BMPR1A: variants seen among roughly 807,000 people sequenced by gnomAD.
BMPR1A encodes bone morphogenetic protein receptor type 1A, also known as bone morphogenetic protein receptor type-1A.
A neutral mutation model predicts 66.0 loss-of-function variants in BMPR1A; 7 were observed. The ratio of observed to expected loss-of-function variants is 0.11; its 90% CI spans 0.06 to 0.20. BMPR1A has a LOEUF of 0.20. BMPR1A is among the 10% of genes least tolerant of loss of function. The probability of loss-of-function intolerance (pLI) is 1.00; values close to 1 mark genes in which losing one functional copy is unlikely to be tolerated. For synonymous variants in BMPR1A, 200 were observed against 229.7 expected (o/e 0.87, Z 1.17); for missense variants, 408 against 669.1 (o/e 0.61, Z 4.31).
chr10:86,774,859 A>G (rs948559868), intron 1 of BMPR1A, among the ~76,000 whole-genome samples: 9 of 152,240 alleles, frequency 5.9e-5, no homozygotes, highest in African/African-American at 2.2e-4. Flanking sequence ...AATATATTAA[A>G]TGAAATTAAG....
At chr10:86,857,249 A>T (rs1842655040) in intron 2 of BMPR1A, among the ~76,000 whole-genome samples, 1 of 152,092 alleles carries the variant, frequency 6.6e-6, no homozygotes, top group African/African-American at 2.4e-5. Flanking sequence ...TTGTTAGCAT[A>T]ATCTCCCCCA....
intron 2 of BMPR1A, among the ~76,000 whole-genome samples, chr10:86,863,896 C>G (rs547704384): frequency 6.6e-6 from 1 of 152,242 alleles, no homozygotes; most frequent in African/African-American, 2.4e-5. Flanking sequence ...TTAAAAATTG[C>G]TTTTGCATTG....
intron 2 of BMPR1A, among the ~76,000 whole-genome samples, chr10:86,844,074 G>T (rs376912663): frequency 2.0e-5 from 3 of 152,204 alleles, no homozygotes; most frequent in Non-Finnish European, 4.4e-5. Context: ...GCCAAGGTAA[G>T]TTGGATCCTA....
At chr10:86,889,622 G>C (rs1469378597) in intron 3 of BMPR1A, 1 of 174,554 alleles carries the variant, frequency 5.7e-6, no homozygotes, top group Non-Finnish European at 1.2e-5. Context: ...TTTTCCCAGG[G>C]CGAGGCTTAT....
intron 2 of BMPR1A, chr10:86,843,615 G>A (rs771949079): frequency 6.6e-6 from 1 of 152,222 alleles, no homozygotes; most frequent in Non-Finnish European, 1.5e-5. Flanking sequence ...CTGTAACTGA[G>A]AAGCACAGGT....
At chr10:86,892,854 C>T (rs1843172242) in intron 5 of BMPR1A, among the ~76,000 whole-genome samples, 1 of 147,198 alleles carries the variant, frequency 6.8e-6, no homozygotes, top group African/African-American at 2.5e-5. Flanking sequence ...CAGAGCAAGA[C>T]CCTGTCTCAA....
chr10:86,803,004 C>CAAA (rs59957238), intron 1 of BMPR1A, among the ~76,000 whole-genome samples: 17,413 of 75,498 alleles, frequency 0.23, 2,122 homozygotes, highest in East Asian at 0.62. Context: ...GACCCGGTCT[C>CAAA]AAAAAAAAAA....
chr10:86,848,362 G>C (rs1456802034), intron 2 of BMPR1A, among the ~76,000 whole-genome samples: 1 of 152,164 alleles, frequency 6.6e-6, no homozygotes, highest in Non-Finnish European at 1.5e-5. Context: ...CTGGCCTATA[G>C]AGCTCTAAGT....
At chr10:86,819,057 A>C (rs1842077082) in intron 1 of BMPR1A, among the ~76,000 whole-genome samples, 1 of 152,182 alleles carries the variant, frequency 6.6e-6, no homozygotes, top group Non-Finnish European at 1.5e-5. Context: ...CATGCAAGTG[A>C]AGCCAGCCAC....
At chr10:86,903,907 A>G (rs147074539) in intron 7 of BMPR1A, among the ~76,000 whole-genome samples, 303 of 143,308 alleles carry the variant, frequency 2.1e-3, no homozygotes, top group Middle Eastern at 0.017. Flanking sequence ...TGCCCGGCCT[A>G]TTATTTTTAT....
intron 2 of BMPR1A, chr10:86,843,392 T>C (rs1201624379): frequency 6.6e-6 from 1 of 152,236 alleles, no homozygotes; most frequent in Non-Finnish European, 1.5e-5. Flanking sequence ...AAAGCACTTA[T>C]TTTTATTCTA....
At position 86,776,291 on chromosome 10, in the gene BMPR1A, G is replaced by A. The variant is rs147161840; in HGVS notation, c.-268+19372G>A. Among the ~76,000 whole-genome samples the A allele has an allele frequency of 3.3e-5, 5 of 152,304 alleles. No homozygotes were observed. The East Asian group carries it at 9.6e-4, about 29-fold the overall frequency. Reference sequence around the variant, plus strand: ...GCATAAATAATGCTTTGAGTTGCCTGCAGCAAGTAGTTTGATGAGAATATC... The same window carrying A: ...GCATAAATAATGCTTTGAGTTGCCTACAGCAAGTAGTTTGATGAGAATATC... On this transcript the variant is annotated intron_variant, in intron 1 of 12. Transcript: ENST00000372037.
At chr10:86,865,846 C>G (rs944122769) in intron 2 of BMPR1A, among the ~76,000 whole-genome samples, 23 of 152,176 alleles carry the variant, frequency 1.5e-4, no homozygotes. Context: ...TTTAGATCCT[C>G]TTAGGAGGGG....
At chr10:86,801,660 A>G (rs1362353086) in intron 1 of BMPR1A, among the ~76,000 whole-genome samples, 2 of 152,048 alleles carry the variant, frequency 1.3e-5, no homozygotes, top group Non-Finnish European at 2.9e-5. Flanking sequence ...TGCTTCAGGG[A>G]TGGTCTGCTT....
intron 1 of BMPR1A, among the ~76,000 whole-genome samples, chr10:86,780,231 A>C (rs549377554): frequency 2.6e-5 from 4 of 152,252 alleles, no homozygotes; most frequent in South Asian, 4.1e-4. Flanking sequence ...GTAGTTTGCA[A>C]ATATTTTCTC....
intron 2 of BMPR1A, among the ~76,000 whole-genome samples, chr10:86,874,288 T>A (rs1021975710): frequency 1.3e-5 from 2 of 152,248 alleles, no homozygotes; most frequent in Non-Finnish European, 2.9e-5. Context: ...ATTGGAGAGA[T>A]TATGTTTCAT....
intron 1 of BMPR1A, among the ~76,000 whole-genome samples, chr10:86,774,993 A>G (rs1170501273): frequency 6.6e-6 from 1 of 152,244 alleles, no homozygotes; most frequent in Non-Finnish European, 1.5e-5. Context: ...GAAAGGAAGA[A>G]CAATACTAAG....
At chr10:86,808,723 T>C (rs1402903495) in intron 1 of BMPR1A, among the ~76,000 whole-genome samples, 1 of 152,242 alleles carries the variant, frequency 6.6e-6, no homozygotes, top group Non-Finnish European at 1.5e-5. Flanking sequence ...ACAGTTTTGA[T>C]ATTATCACTT....
chr10:86,874,952 T>C (rs947933136), intron 2 of BMPR1A, among the ~76,000 whole-genome samples: 1 of 150,302 alleles, frequency 6.7e-6, no homozygotes, highest in Admixed American at 6.6e-5. Context: ...CTTGAACTCC[T>C]GACTTCACTT....
Sources: allele counts gnomAD v4.1 joint callset (sites outside exome capture counted in the v4.1 genomes callset), GRCh38; gene constraint gnomAD v4.1.1; transcripts MANE v1.5; gene names NCBI Gene and HGNC (gene_info 2026-07-23, HGNC 2026-07-21).